Variants in PKHD1L1 observed in about 807,000 individuals in gnomAD.
The protein encoded by PKHD1L1 is fibrocystin-L.
PKHD1L1 carries 434 observed loss-of-function variants against 462.9 expected under a neutral mutation model. That is an observed-to-expected ratio of 0.94 (90% CI 0.87 to 1.02). The LOEUF is 1.02. Among genes scored for constraint, PKHD1L1 ranks in the 50% least tolerant of loss-of-function variants. PKHD1L1 has a pLI of 0.00. For synonymous variants in PKHD1L1, 1,781 were observed against 1,750.0 expected, an observed-to-expected ratio of 1.02 and a Z score of -0.44; for missense variants, 5,202 against 5,096.1, an observed-to-expected ratio of 1.02 and a Z score of -0.63.
Position 109,454,335 on chromosome 8 carries a change from A to G in PKHD1L1, c.6744+89A>G, listed in dbSNP as rs540086358. 4 of 857,350 alleles carry G rather than the reference A, an allele frequency of 4.7e-6. No individual in the cohort carries two copies. In the African/African-American group the frequency reaches 5.1e-5, roughly 11 times the overall value. 53.1% of individuals were successfully genotyped at this position (857,350 alleles called of 1,614,324 possible). A position where few individuals can be genotyped will look rare whatever the true frequency, so the allele number is the denominator to read the frequency against. ...ATGTGTAAAATGGATAGTTAATTAT[A>G]TCAACCTCTCCTAAGTTTATCTTTG... On this transcript the variant is annotated intron_variant, in intron 44 of 77. Transcript: ENST00000378402.
chr8:109,414,497 T>C (rs1056032373), intron 21 of PKHD1L1, among the ~76,000 whole-genome samples: 2 of 152,072 alleles, frequency 1.3e-5, no homozygotes, highest in African/African-American at 4.8e-5. Flanking sequence ...CTTTTTTTTT[T>C]GCTTTTTCTT....
At position 109,531,300 on chromosome 8, in the gene PKHD1L1, G is replaced by A. The variant is rs28646154; in HGVS notation, c.*1210G>A. Among the ~76,000 whole-genome samples, 3,873 of 152,312 alleles carry A rather than the reference G, an allele frequency of 0.025. 87 individuals carry two copies. Among genetic ancestry groups the A allele is most frequent in the African/African-American group, 0.053 (2,196 of 41,556 alleles). The stretch of plus-strand genomic sequence containing the variant: ...ATGTGGCATTTCATTCACTTGAGCA[G>A]TATCTGTTGGGTGTTCTAGTAAGTA... On this transcript the variant is annotated 3_prime_UTR_variant, in exon 78 of 78. Transcript: ENST00000378402.
chr8:109,433,088 TA>T lies in PKHD1L1; in HGVS notation c.3230-15del. On this transcript the variant is annotated splice_polypyrimidine_tract_variant and intron_variant, in intron 27 of 77. Coordinates refer to ENST00000378402, the MANE Select transcript of PKHD1L1 (RefSeq NM_177531.6). ...TTTTTCTAACTTTAATATTGTTATTTAAATTGATCATTTTTAGGGTCCTATG... is the reference window on the plus strand; with the variant it reads ...TTTTTCTAACTTTAATATTGTTATTTAATTGATCATTTTTAGGGTCCTATG... 2.6e-6 allele frequency: 4 copies of T among 1,514,542 alleles called. No homozygotes were observed. The highest frequency in any genetic ancestry group is 3.6e-6 in the Non-Finnish European group (4 of 1,103,952). The allele number at this position is 1,514,542 out of a possible 1,614,324, so 93.8% of individuals were successfully genotyped here. A position where few individuals can be genotyped will look rare whatever the true frequency, so the allele number is the denominator to read the frequency against.
rs760802572 is a variant in PKHD1L1 at position 109,406,299 on chromosome 8, C to CTGTT, written c.1670-18_1670-15dup. 2.0e-4 allele frequency: 298 copies of CTGTT among 1,517,470 alleles called. 2 individuals carry two copies. The highest frequency in any genetic ancestry group is 1.0e-3 in the Middle Eastern group (6 of 5,726). 94.0% of individuals were successfully genotyped at this position (1,517,470 alleles called of 1,614,324 possible). A position where few individuals can be genotyped will look rare whatever the true frequency, so the allele number is the denominator to read the frequency against. On this transcript the variant is annotated intron_variant, in intron 16 of 77. Transcript: ENST00000378402. ...GTAGCTCAGAAAGATTTCAACTTTT[C>CTGTT]TGTTTGTTTGTTTGTTTGTTTTAAT...
In PKHD1L1 at chr8:109,498,704, G is replaced by A. The variant is rs367909068; in HGVS notation, c.10761G>A (p.Met3587Ile). 2.9e-5 allele frequency: 46 copies of A among 1,613,932 alleles called. No individual in the cohort carries two copies. The Admixed American group carries it at 3.0e-4, about 11-fold the overall frequency. Residue 3587 changes from methionine to isoleucine, a missense_variant, in exon 67 of 78, where the codon ATG becomes ATA. Physicochemically the swap from Met to Ile is conservative, Grantham distance 10 (BLOSUM62 1). Coordinates refer to ENST00000378402, the MANE Select transcript of PKHD1L1 (RefSeq NM_177531.6). ...CWPTFASAHNMAPRKPHAGIM... is the reference protein window; with the variant it reads ...CWPTFASAHNIAPRKPHAGIM... Reference sequence around the variant, plus strand: ...CTACCTTTGCTTCAGCTCATAACATGGCACCCCGAAAGCCCCATGCAGGAA... The same window carrying A: ...CTACCTTTGCTTCAGCTCATAACATAGCACCCCGAAAGCCCCATGCAGGAA...
rs1435336548 is a variant in PKHD1L1 at position 109,533,297 on chromosome 8, G to T, written c.*3207G>T. Reference sequence around the variant, plus strand: ...GAAAGTGTGACATCTGAAGACTGATGGTATCATATATATGACATGTAACAC... The same window carrying T: ...GAAAGTGTGACATCTGAAGACTGATTGTATCATATATATGACATGTAACAC... On this transcript the variant is annotated 3_prime_UTR_variant, in exon 78 of 78. Coordinates refer to ENST00000378402, the MANE Select transcript of PKHD1L1 (RefSeq NM_177531.6). 1.3e-5 allele frequency among the ~76,000 whole-genome samples: 2 copies of T among 152,198 alleles called. No homozygotes were observed. The highest frequency in any genetic ancestry group is 2.4e-5 in the African/African-American group (1 of 41,436).
chr8:109,452,580 A>G (rs1329788575), intron 42 of PKHD1L1, 138 bp from the exon 43 acceptor site: 9 of 458,734 alleles, frequency 2.0e-5, no homozygotes, highest in African/African-American at 1.4e-4. Context: ...TTTTATTATT[A>G]ATAAAATGCT....
At position 109,461,893 on chromosome 8, in the gene PKHD1L1, A is replaced by G. The variant is rs753227384; in HGVS notation, c.7368A>G (p.Arg2456=). Residue 2456 remains arginine, a synonymous_variant, in exon 48 of 78, where the codon AGA becomes AGG. Coordinates refer to ENST00000378402, the MANE Select transcript of PKHD1L1 (RefSeq NM_177531.6). ...CTGGTGCTAACATGGTAACTGGGAG[A>G]ATAGAATATGTAGAGGTGAGAGGCA... ...PVPGANMVTG[R]IEYVEVFHAG... 1 of 1,601,754 alleles carries G rather than the reference A, an allele frequency of 6.2e-7. No homozygotes were observed. Among genetic ancestry groups the G allele is most frequent in the Non-Finnish European group, 8.5e-7 (1 of 1,173,476 alleles).
intron 62 of PKHD1L1, 57 bp from the exon 63 acceptor site, chr8:109,493,604 T>A (rs1818937451): frequency 8.7e-7 from 1 of 1,150,884 alleles, no homozygotes. Flanking sequence ...TTACTCTCGA[T>A]TTATATAAAT....
At chr8:109,399,331 G>C (rs1813132917) in intron 12 of PKHD1L1, among the ~76,000 whole-genome samples, 1 of 152,090 alleles carries the variant, frequency 6.6e-6, no homozygotes, top group Non-Finnish European at 1.5e-5. Context: ...AAATTCAGCT[G>C]AAGAAGGGTA....
At chr8:109,462,430 A>G (rs1817189739) in intron 48 of PKHD1L1, among the ~76,000 whole-genome samples, 1 of 152,158 alleles carries the variant, frequency 6.6e-6, no homozygotes. Flanking sequence ...CGTCTGATTT[A>G]TCTCCTACGA....
At chr8:109,450,841 C>A in intron 40 of PKHD1L1, 134 bp from the exon 41 acceptor site, 2 of 841,356 alleles carry the variant, frequency 2.4e-6, no homozygotes, top group Non-Finnish European at 3.6e-6. Context: ...CTATTATTCA[C>A]ATGTAGCCTA....
rs1231825248 is a variant in PKHD1L1, at chr8:109,409,874, G to A, written c.1981G>A (p.Ala661Thr). 6.3e-7 allele frequency: 1 copy of A among 1,576,738 alleles called. No homozygotes were observed. The highest frequency in any genetic ancestry group is 1.7e-4 in the Middle Eastern group (1 of 5,956). The stretch of plus-strand genomic sequence containing the variant: ...TATATTGTTAATTTAGTTTCAGGGA[G>A]CAGTGGAAGAAATGGTTAGCACTAA... ...LWSSEAEFQGAVEEMVSTKCP... is the reference protein window; with the variant it reads ...LWSSEAEFQGTVEEMVSTKCP... The change falls in exon 19 of 78, where the codon GCA becomes ACA. Residue 661 changes from alanine to threonine, a missense_variant. By Grantham distance (58) the Ala-to-Thr change is moderately conservative (BLOSUM62 0). Around this residue, in one of 3 missense-constraint regions of PKHD1L1, gnomAD observed 4,497 missense variants for 4,336.8 expected, o/e 1.04. Coordinates refer to ENST00000378402, the MANE Select transcript of PKHD1L1 (RefSeq NM_177531.6).
At chr8:109,486,389 G>A (rs1419571461) in intron 58 of PKHD1L1, among the ~76,000 whole-genome samples, 1 of 151,900 alleles carries the variant, frequency 6.6e-6, no homozygotes, top group Non-Finnish European at 1.5e-5. Context: ...GATTTGTTAA[G>A]TAGTAACTTT....
intron 22 of PKHD1L1, 78 bp from the exon 23 acceptor site, chr8:109,420,440 C>A: frequency 1.2e-6 from 1 of 843,276 alleles, no homozygotes; most frequent in Non-Finnish European, 1.7e-6. Context: ...ATTTTATCTC[C>A]TCTATTAGGT....
chr8:109,362,992 A>G (rs1811055447), intron 1 of PKHD1L1, among the ~76,000 whole-genome samples: 1 of 152,222 alleles, frequency 6.6e-6, no homozygotes, highest in South Asian at 2.1e-4. Context: ...GGGACTGGGA[A>G]GAGGCAACCT....
intron 49 of PKHD1L1, among the ~76,000 whole-genome samples, chr8:109,466,345 G>T (rs575343046): frequency 2.6e-5 from 4 of 152,008 alleles, no homozygotes; most frequent in Non-Finnish European, 5.9e-5. Context: ...ACTCTTATGG[G>T]TGCTTCAGAC....
chr8:109,476,237 T>C (rs1353151216), intron 51 of PKHD1L1, among the ~76,000 whole-genome samples: 1 of 151,916 alleles, frequency 6.6e-6, no homozygotes, highest in Admixed American at 6.6e-5. Context: ...ACTATACATG[T>C]GTATACTTAA....
intron 55 of PKHD1L1, among the ~76,000 whole-genome samples, chr8:109,481,081 C>T (rs553798587): frequency 6.6e-6 from 1 of 151,946 alleles, no homozygotes; most frequent in African/African-American, 2.4e-5. Context: ...ACAATGATGG[C>T]TCATAAATTG....
Sources: allele counts gnomAD v4.1 joint callset (sites outside exome capture counted in the v4.1 genomes callset), GRCh38; gene constraint gnomAD v4.1.1; regional missense constraint gnomAD v4.1.1; transcripts MANE v1.5; gene names NCBI Gene and HGNC (gene_info 2026-07-23, HGNC 2026-07-21).